Variants in SH3RF1 observed in about 807,000 individuals in gnomAD.
SH3RF1 encodes SH3 domain containing ring finger 1.
Under a neutral mutation model 74.0 loss-of-function variants are expected in SH3RF1, and 32 were observed. The ratio of observed to expected loss-of-function variants is 0.43; its 90% confidence interval spans 0.33 to 0.58. SH3RF1 has a LOEUF of 0.58. Among genes scored for constraint, SH3RF1 ranks in the 20% least tolerant of loss-of-function variants. SH3RF1 has a pLI of 0.05. For synonymous variants in SH3RF1, 396 were observed against 439.6 expected, an observed-to-expected ratio of 0.90 and a Z score of 1.24; for missense variants, 954 against 1,130.9, an observed-to-expected ratio of 0.84 and a Z score of 2.24.
At chr4:169,171,999 A>G (rs1396909801) in intron 2 of SH3RF1, among the ~76,000 whole-genome samples, 3 of 152,240 alleles carry the variant, frequency 2.0e-5, no homozygotes, top group Non-Finnish European at 4.4e-5. Context: ...AATTAATTAC[A>G]GCTACAGAAT....
rs1251278102 is a variant in SH3RF1 at position 169,156,466 on chromosome 4, C to T, written c.607G>A (p.Ala203Thr). The part of the protein sequence containing the change: ...PLPQPPPQCK[A>T]LYDFEVKDKE... Reference sequence around the variant, plus strand: ...TCTTTCACTTCAAAGTCATAAAGTGCTTTGCACTGAGGTGGGGGCTGAGGT... The same window carrying T: ...TCTTTCACTTCAAAGTCATAAAGTGTTTTGCACTGAGGTGGGGGCTGAGGT... Residue 203 changes from alanine (A) to threonine (T), a missense_variant, in exon 3 of 12, where the codon GCA (alanine) becomes ACA (threonine). By Grantham distance (58) the Ala-to-Thr change is moderately conservative. Around this residue, in one of 3 missense-constraint regions of SH3RF1, gnomAD observed 854 missense variants for 962.5 expected, o/e 0.89. Coordinates refer to ENST00000284637, the MANE Select transcript of SH3RF1 (RefSeq NM_020870.4). 1 of 1,612,862 alleles carries T rather than the reference C, an allele frequency of 6.2e-7. No individual in the cohort carries two copies. The highest frequency in any genetic ancestry group is 8.5e-7 in the Non-Finnish European group (1 of 1,179,066).
chr4:169,131,495 T>C (rs1976543), intron 5 of SH3RF1, among the ~76,000 whole-genome samples: 84,383 of 152,026 alleles, frequency 0.56, 25,306 homozygotes, highest in East Asian at 0.7. Context: ...ATTTTTCCTG[T>C]GAACCAAAGT....
chr4:169,109,257 C>G (rs773371853), intron 10 of SH3RF1, among the ~76,000 whole-genome samples: 1 of 152,168 alleles, frequency 6.6e-6, no homozygotes, highest in Middle Eastern at 3.2e-3. Flanking sequence ...CTCAGCAAGC[C>G]ACAGCTAAAG....
chr4:169,142,248 G>A (rs977582857), intron 4 of SH3RF1, among the ~76,000 whole-genome samples: 39 of 152,172 alleles, frequency 2.6e-4, no homozygotes, highest in Middle Eastern at 3.4e-3. Flanking sequence ...GAGCGATTGC[G>A]CCTGGCCATA....
intron 2 of SH3RF1, among the ~76,000 whole-genome samples, chr4:169,167,711 G>T (rs2126971281): frequency 6.6e-6 from 1 of 152,228 alleles, no homozygotes; most frequent in East Asian, 1.9e-4. Context: ...CATAGGAGGT[G>T]GGCAAATGAG....
chr4:169,197,740 C>CT (rs35153274), intron 2 of SH3RF1, among the ~76,000 whole-genome samples: 5 of 151,740 alleles, frequency 3.3e-5, no homozygotes, highest in South Asian at 2.1e-4. Context: ...CTTACTGACA[C>CT]TTTTTTTTAT....
chr4:169,130,264 TTC>T (rs1213431422), intron 5 of SH3RF1, 108 bp from the exon 6 acceptor site: 5 of 797,926 alleles, frequency 6.3e-6, no homozygotes, highest in Non-Finnish European at 9.4e-6. Context: ...AATCTGTACT[TTC>T]TGTTATTTGG....
At chr4:169,180,622 T>G (rs181773495) in intron 2 of SH3RF1, among the ~76,000 whole-genome samples, 1 of 152,184 alleles carries the variant, frequency 6.6e-6, no homozygotes, top group Non-Finnish European at 1.5e-5. Context: ...TTGTTTTTTG[T>G]TTTTATTTAA....
chr4:169,123,130 A>G (rs1315288956), intron 6 of SH3RF1, among the ~76,000 whole-genome samples: 9 of 152,218 alleles, frequency 5.9e-5, no homozygotes, highest in African/African-American at 2.2e-4. Flanking sequence ...GAGAAATAAG[A>G]AGACTAAAGA....
intron 2 of SH3RF1, among the ~76,000 whole-genome samples, chr4:169,194,432 T>G: frequency 6.6e-6 from 1 of 152,212 alleles, no homozygotes; most frequent in Non-Finnish European, 1.5e-5. Flanking sequence ...ACTCTGGTTT[T>G]GTTTTGCCTT....
chr4:169,099,008 GAACTCAGGCCAC>G (rs1388916695), intron 11 of SH3RF1, among the ~76,000 whole-genome samples: 1 of 152,184 alleles, frequency 6.6e-6, no homozygotes, highest in African/African-American at 2.4e-5. Flanking sequence ...ACTAGGAAAC[GAACTCAGGCCAC>G]AACTCAGGCC....
intron 2 of SH3RF1, among the ~76,000 whole-genome samples, chr4:169,241,090 C>T (rs889462057): frequency 2.0e-5 from 3 of 152,118 alleles, no homozygotes; most frequent in Admixed American, 6.6e-5. Flanking sequence ...ATTAGCCAAG[C>T]GTGGTGGCGG....
At chr4:169,211,481 CAAAAAAAAA>C (rs760721489) in intron 2 of SH3RF1, among the ~76,000 whole-genome samples, 4 of 90,976 alleles carry the variant, frequency 4.4e-5, no homozygotes, top group Non-Finnish European at 8.3e-5. Flanking sequence ...GACTCCGTCT[CAAAAAAAAA>C]AAAAAAAAAA....
At chr4:169,232,203 C>T (rs2331609) in intron 2 of SH3RF1, among the ~76,000 whole-genome samples, 44,821 of 152,044 alleles carry the variant, frequency 0.29, 6,696 homozygotes, top group Non-Finnish European at 0.33. Context: ...CTCTTGGAGA[C>T]AGTGCCAAAA....
chr4:169,252,906 T>C (rs931571921), intron 2 of SH3RF1, among the ~76,000 whole-genome samples: 7 of 152,146 alleles, frequency 4.6e-5, no homozygotes, highest in Non-Finnish European at 8.8e-5. Context: ...AACAAAAATA[T>C]GACTCTAGCT....
chr4:169,135,329 G>A (rs1291810032), intron 5 of SH3RF1, among the ~76,000 whole-genome samples: 1 of 152,022 alleles, frequency 6.6e-6, no homozygotes, highest in Non-Finnish European at 1.5e-5. Context: ...TTTTCTTTAA[G>A]GGGACATAAT....
chr4:169,268,868 G>A lies in SH3RF1; in HGVS notation c.345C>T (p.Ser115=), dbSNP rs1289838314. Residue 115 remains serine (S), a synonymous_variant, in exon 2 of 12, where the codon TCC becomes TCT. Transcript: ENST00000284637. ...ANCSSKDLQS[S]QGGQQPRVQS... ...GCACCCGAGGCTGCTGTCCGCCCTG[G>A]GAGCTCTGCAGATCTTTTGAGCTAC... The A allele has an allele frequency of 1.9e-6, 3 of 1,611,628 alleles. No homozygotes were observed. The highest frequency in any genetic ancestry group is 1.7e-5 in the Admixed American group (1 of 59,972).
chr4:169,132,020 GC>G (rs1335754941), intron 5 of SH3RF1, among the ~76,000 whole-genome samples: 2 of 152,230 alleles, frequency 1.3e-5, no homozygotes, highest in African/African-American at 4.8e-5. Flanking sequence ...GGGCCCTTGA[GC>G]CGCTGCTCGG....
chr4:169,191,639 A>G (rs775055271), intron 2 of SH3RF1, among the ~76,000 whole-genome samples: 10 of 152,352 alleles, frequency 6.6e-5, no homozygotes, highest in Admixed American at 2.0e-4. Flanking sequence ...ACCTGACTTC[A>G]AACTATACTA....
Sources: allele counts gnomAD v4.1 joint callset (sites outside exome capture counted in the v4.1 genomes callset), GRCh38; gene constraint gnomAD v4.1.1; regional missense constraint gnomAD v4.1.1; transcripts MANE v1.5; gene names NCBI Gene and HGNC (gene_info 2026-07-23, HGNC 2026-07-21).